QTRT1: variants seen among roughly 807,000 people sequenced by gnomAD.
The protein encoded by QTRT1 is TGT, 43-KD subunit.
A neutral mutation model predicts 44.0 loss-of-function variants in QTRT1; 41 were observed. That is an observed-to-expected ratio of 0.93 (90% CI 0.73 to 1.21). The LOEUF (loss-of-function observed/expected upper bound fraction) is 1.21, where lower values mean the gene tolerates loss of function less well. QTRT1 is among the 50% of genes most tolerant of loss of function. The probability of loss-of-function intolerance (pLI) is 0.00; values close to 1 mark genes in which losing one functional copy is unlikely to be tolerated. For synonymous variants in QTRT1, 226 were observed against 237.1 expected (o/e 0.95, Z 0.43); for missense variants, 542 against 575.8 (o/e 0.94, Z 0.60).
rs745491764 is a variant in QTRT1 at position 10,707,422 on chromosome 19, G to A, written c.530+42G>A. On this transcript the variant is annotated intron_variant, in intron 4 of 9. Coordinates refer to ENST00000250237, the MANE Select transcript of QTRT1 (RefSeq NM_031209.3). The stretch of plus-strand genomic sequence containing the variant: ...TGCATGTGTGGGATATGTGGTGGGA[G>A]GGGATCCTGGTCCCTGTAGCCTTGT... 16 of 1,610,514 alleles carry A rather than the reference G, an allele frequency of 9.9e-6. 1 individual carries two copies. The South Asian group carries it at 1.8e-4, about 18-fold the overall frequency.
At chr19:10,707,912 C>A (rs1227792847) in intron 5 of QTRT1, among the ~76,000 whole-genome samples, 1 of 151,358 alleles carries the variant, frequency 6.6e-6, no homozygotes, top group African/African-American at 2.4e-5. Flanking sequence ...TAGTCATGAG[C>A]CACCGCGCCC....
chr19:10,708,766 T>TC (rs756850569), intron 5 of QTRT1, among the ~76,000 whole-genome samples: 1 of 149,752 alleles, frequency 6.7e-6, no homozygotes, highest in Non-Finnish European at 1.5e-5. Context: ...TTTTTTTTTT[T>TC]CTTTTTTTTT....
chr19:10,709,632 AG>A (rs2068729787), intron 5 of QTRT1, among the ~76,000 whole-genome samples: 1 of 151,640 alleles, frequency 6.6e-6, no homozygotes, highest in African/African-American at 2.4e-5. Flanking sequence ...CAAATCATTG[AG>A]GTCGGGAGAT....
intron 3 of QTRT1, 81 bp from the exon 4 acceptor site, chr19:10,707,221 C>A (rs2068717819): frequency 7.0e-7 from 1 of 1,431,648 alleles, no homozygotes; most frequent in Non-Finnish European, 9.8e-7. Flanking sequence ...TTGGGGAAGT[C>A]CAACTTGTCC....
chr19:10,712,635 C>G lies in QTRT1; in HGVS notation c.861+7C>G. 6.2e-7 allele frequency: 1 copy of G among 1,604,974 alleles called. No homozygotes were observed. The highest frequency in any genetic ancestry group is 8.5e-7 in the Non-Finnish European group (1 of 1,177,832). On this transcript the variant is annotated splice_region_variant and intron_variant, in intron 7 of 9. Coordinates refer to ENST00000250237, the MANE Select transcript of QTRT1 (RefSeq NM_031209.3). The surrounding 1 kb of genome is among the most constrained non-coding windows in gnomAD (Gnocchi z 5.6). The stretch of plus-strand genomic sequence containing the variant: ...CTTCCCCACACGGACAGCGGTGAGG[C>G]TCTGGCAGAAGGAGGTCAGGGCGGG...
rs1476591010 is a variant in QTRT1, at chr19:10,713,011, C to G, written c.1030C>G (p.His344Asp). 1.2e-6 allele frequency: 2 copies of G among 1,611,582 alleles called. No homozygotes were observed. The highest frequency in any genetic ancestry group is 1.7e-6 in the Non-Finnish European group (2 of 1,179,918). The change falls in exon 9 of 10, where the codon CAC becomes GAC. Residue 344 changes from histidine (H) to aspartate (D), a missense_variant. Transcript: ENST00000250237. The surrounding 1 kb of genome is among the most constrained non-coding windows in gnomAD (Gnocchi z 4.3). ...LHSDNTAALHHLTVHNIAYQL... is the reference protein window; with the variant it reads ...LHSDNTAALHDLTVHNIAYQL... ...CAGTGACAACACGGCCGCGCTGCACCACCTCACGGTCCACAACATCGCCTA... is the reference window on the plus strand; with the variant it reads ...CAGTGACAACACGGCCGCGCTGCACGACCTCACGGTCCACAACATCGCCTA...
In QTRT1 at chr19:10,701,720, C is replaced by A; in HGVS notation, c.243+17C>A. The A allele has an allele frequency of 1.3e-6, 2 of 1,566,530 alleles. No homozygotes were observed. Among genetic ancestry groups the A allele is most frequent in the East Asian group, 2.4e-5 (1 of 42,462 alleles). ...CTAAGGCCGGTGGGTGGGCTCTGCC[C>A]GCGCGGGGAGGCGGCGAGGCGGCGA... On this transcript the variant is annotated intron_variant, in intron 1 of 9. Coordinates refer to ENST00000250237, the MANE Select transcript of QTRT1 (RefSeq NM_031209.3).
At position 10,701,556 on chromosome 19, in the gene QTRT1, G is replaced by T; in HGVS notation, c.96G>T (p.Glu32Asp). The T allele has an allele frequency of 6.2e-7, 1 of 1,605,494 alleles. No individual in the cohort carries two copies. The highest frequency in any genetic ancestry group is 8.5e-7 in the Non-Finnish European group (1 of 1,176,286). The stretch of plus-strand genomic sequence containing the variant: ...GCCGCTCCAGGGCCCGGGCAGGCGA[G>T]CTGTGGCTGCCGCATGGGACAGTGG... The part of the protein sequence containing the change: ...ECSRSRARAG[E>D]LWLPHGTVAT... The change falls in exon 1 of 10, where the codon GAG becomes GAT. Residue 32 changes from glutamate (E) to aspartate (D), a missense_variant. By Grantham distance (45) the Glu-to-Asp change is conservative. Transcript: ENST00000250237.
chr19:10,705,711 T>G (rs1298794146), intron 3 of QTRT1, among the ~76,000 whole-genome samples: 1 of 151,216 alleles, frequency 6.6e-6, no homozygotes, highest in African/African-American at 2.4e-5. Context: ...AATTTTTGTA[T>G]TTGTTGTAGA....
chr19:10,702,013 C>A lies in QTRT1; in HGVS notation c.307C>A (p.Leu103Ile). The change falls in exon 2 of 10, where the codon CTA becomes ATA. Residue 103 changes from leucine to isoleucine, a missense_variant. Coordinates refer to ENST00000250237, the MANE Select transcript of QTRT1 (RefSeq NM_031209.3). ...CTTCATGAATTGGCCTCATAATCTG[C>A]TAACGGTGAGCTGAGGAGAGAGCCG... is the stretch of plus-strand genomic sequence containing the variant. ...HGFMNWPHNLLTDSGGFQMVS... is the reference protein window; with the variant it reads ...HGFMNWPHNLITDSGGFQMVS... The A allele has an allele frequency of 6.2e-7, 1 of 1,614,222 alleles. No individual in the cohort carries two copies. The highest frequency in any genetic ancestry group is 8.5e-7 in the Non-Finnish European group (1 of 1,180,024).
At chr19:10,707,691 T>G (rs1379605579) in intron 5 of QTRT1, 76 bp downstream of exon 5, 3 of 1,098,652 alleles carry the variant, frequency 2.7e-6, no homozygotes, top group Admixed American at 4.8e-5. Context: ...ATGGCGGGAC[T>G]GGATTGCTAA....
intron 3 of QTRT1, among the ~76,000 whole-genome samples, chr19:10,703,376 C>A (rs928077993): frequency 6.6e-6 from 1 of 151,878 alleles, no homozygotes; most frequent in African/African-American, 2.4e-5. Flanking sequence ...ATCCCCATTT[C>A]TTGATAAAGA....
rs574295916 is a variant in QTRT1 at position 10,712,908 on chromosome 19, G to A, written c.971+41G>A. On this transcript the variant is annotated intron_variant, in intron 8 of 9. Coordinates refer to ENST00000250237, the MANE Select transcript of QTRT1 (RefSeq NM_031209.3). This position sits in a 1 kb window ranked among gnomAD's most constrained non-coding sequence, Gnocchi z 5.6. The stretch of plus-strand genomic sequence containing the variant: ...CTGGGAGCTGGGGCAGGGCATGGAG[G>A]GGACAGGGCCTGGCCGTGCTGAGCT... 1.9e-6 allele frequency: 3 copies of A among 1,612,664 alleles called. No individual in the cohort carries two copies. The Admixed American group carries it at 5.0e-5, about 27-fold the overall frequency.
At chr19:10,707,174 C>T (rs966359101) in intron 3 of QTRT1, 128 bp from the exon 4 acceptor site, 17 of 877,798 alleles carry the variant, frequency 1.9e-5, no homozygotes, top group African/African-American at 9.8e-5. Flanking sequence ...GGGAAAGTCA[C>T]GTGGGAGTTA....
chr19:10,712,367 G>A lies in QTRT1; in HGVS notation c.785+68G>A, dbSNP rs2068742884. The A allele has an allele frequency of 1.3e-6, 2 of 1,553,972 alleles. No individual in the cohort carries two copies. Among genetic ancestry groups the A allele is most frequent in the Admixed American group, 3.6e-5 (2 of 55,598 alleles). On this transcript the variant is annotated intron_variant, in intron 6 of 9. Transcript: ENST00000250237. This position sits in a 1 kb window ranked among gnomAD's most constrained non-coding sequence, Gnocchi z 5.6. The stretch of plus-strand genomic sequence containing the variant: ...TGGATTCCTGGGGACCCCCTACCCT[G>A]CTTGGGGAGGTGGCATTTGGGGGAA...
rs747258558 is a variant in QTRT1 at position 10,712,121 on chromosome 19, T to C, written c.647-40T>C. ...GTTCTGGGATTGAAGACCAGGCGCA[T>C]TTCCTCTTCTGTGGCCCTCACCTTA... On this transcript the variant is annotated intron_variant, in intron 5 of 9. Coordinates refer to ENST00000250237, the MANE Select transcript of QTRT1 (RefSeq NM_031209.3). This position sits in a 1 kb window ranked among gnomAD's most constrained non-coding sequence, Gnocchi z 5.6. 5.0e-6 allele frequency: 8 copies of C among 1,609,810 alleles called. No homozygotes were observed. Among genetic ancestry groups the C allele is most frequent in the Non-Finnish European group, 6.8e-6 (8 of 1,179,954 alleles).
In QTRT1 at chr19:10,712,619, A is replaced by G; in HGVS notation, c.852A>G (p.Thr284=). The part of the protein sequence containing the change: ...GCDMFDCVFP[T]RTARFGSALV... Reference sequence around the variant, plus strand: ...ACATGTTCGACTGCGTCTTCCCCACACGGACAGCGGTGAGGCTCTGGCAGA... The same window carrying G: ...ACATGTTCGACTGCGTCTTCCCCACGCGGACAGCGGTGAGGCTCTGGCAGA... The change falls in exon 7 of 10, where the codon ACA becomes ACG. Residue 284 remains threonine (T), a synonymous_variant. Transcript: ENST00000250237. The surrounding 1 kb of genome is among the most constrained non-coding windows in gnomAD (Gnocchi z 5.6). The G allele has an allele frequency of 6.3e-7, 1 of 1,599,586 alleles. No homozygotes were observed.
chr19:10,706,222 C>G (rs2068713047), intron 3 of QTRT1, among the ~76,000 whole-genome samples: 1 of 152,030 alleles, frequency 6.6e-6, no homozygotes, highest in Admixed American at 6.6e-5. Flanking sequence ...GATGGGGTCT[C>G]TCTGTGTTGC....
chr19:10,712,039 C>T lies in QTRT1; in HGVS notation c.647-122C>T. 8.0e-7 allele frequency: 1 copy of T among 1,247,884 alleles called. No individual in the cohort carries two copies. Among genetic ancestry groups the T allele is most frequent in the Non-Finnish European group, 1.2e-6 (1 of 867,178 alleles). 77.3% of individuals were successfully genotyped at this position (1,247,884 alleles called of 1,614,324 possible). ...TCCGTCTCTGGCTCTGTCTGTCTGT[C>T]TCTGTCTGTTTCTCTGACTCTCTCC... On this transcript the variant is annotated intron_variant, in intron 5 of 9. Transcript: ENST00000250237. This position sits in a 1 kb window ranked among gnomAD's most constrained non-coding sequence, Gnocchi z 5.6.
Sources: gnomAD v4.1 joint callset for allele counts (sites outside exome capture counted in the v4.1 genomes callset) on GRCh38, gnomAD v4.1.1 for gene constraint, Gnocchi (gnomAD v3.1) non-coding constraint, MANE v1.5 for transcripts, NCBI Gene and HGNC (gene_info 2026-07-23, HGNC 2026-07-21) for gene names.